STIL: variants seen among roughly 807,000 people sequenced by gnomAD.
STIL encodes SCL-interrupting locus protein.
STIL carries 55 observed loss-of-function variants against 110.1 expected under a neutral mutation model. The ratio of observed to expected loss-of-function variants is 0.50; its 90% CI spans 0.40 to 0.63. STIL has a LOEUF of 0.63. Among genes scored for constraint, STIL ranks in the 20% least tolerant of loss-of-function variants. The probability of loss-of-function intolerance (pLI) is 0.00; values close to 1 mark genes in which losing one functional copy is unlikely to be tolerated. For missense variants in STIL, 1,358 were observed against 1,530.0 expected (o/e 0.89, Z 1.87); for synonymous variants, 481 against 530.0 (o/e 0.91, Z 1.27).
intron 7 of STIL, among the ~76,000 whole-genome samples, chr1:47,294,571 G>T (rs1489399756): frequency 6.6e-6 from 1 of 152,202 alleles, no homozygotes; most frequent in Non-Finnish European, 1.5e-5. Context: ...TGTAGTCCTA[G>T]CTATTCAGGA....
At chr1:47,286,242 C>T (rs1019677016) in intron 10 of STIL, among the ~76,000 whole-genome samples, 5 of 151,790 alleles carry the variant, frequency 3.3e-5, no homozygotes, top group African/African-American at 1.2e-4. Flanking sequence ...CTATAGTCTG[C>T]TCCACATATC....
In STIL at chr1:47,301,568, G is replaced by A. The variant is rs1262224685; in HGVS notation, c.446C>T (p.Ala149Val). Reference protein sequence around the residue: ...IVHSVDDFSSALKALQCHICS... With the variant: ...IVHSVDDFSSVLKALQCHICS... ...GTTGTCAATGAATCGCACCTTTAAA[G>A]CTGAACTGAAGTCATCTACACTGTG... Residue 149 changes from alanine (A) to valine (V), a missense_variant, in exon 5 of 17, where the codon GCT becomes GTT. Ala to Val is a moderately conservative substitution (Grantham distance 64). Coordinates refer to ENST00000371877, the MANE Select transcript of STIL (RefSeq NM_001048166.1). 2.5e-6 allele frequency: 4 copies of A among 1,613,136 alleles called. No homozygotes were observed. Among genetic ancestry groups the A allele is most frequent in the South Asian group, 1.1e-5 (1 of 91,036 alleles).
upstream of STIL, among the ~76,000 whole-genome samples, chr1:47,314,729 A>G (rs1646236472): frequency 6.9e-6 from 1 of 145,842 alleles, no homozygotes; most frequent in Non-Finnish European, 1.5e-5. Flanking sequence ...TAGTGACATA[A>G]TTTTTTTTTT....
At chr1:47,285,383 T>C (rs1173820330) in intron 10 of STIL, among the ~76,000 whole-genome samples, 2 of 152,188 alleles carry the variant, frequency 1.3e-5, no homozygotes, top group African/African-American at 4.8e-5. Context: ...AGAAGCCAAT[T>C]CCTTAAAACA....
At chr1:47,267,668 A>T (rs1181035094) in intron 14 of STIL, among the ~76,000 whole-genome samples, 4 of 3,334 alleles carry the variant, frequency 1.2e-3, no homozygotes, top group Non-Finnish European at 2.9e-3. Context: ...GCGAGTATCT[A>T]AAAAAAAAAA....
At chr1:47,309,884 A>G (rs1254980777) in intron 2 of STIL, among the ~76,000 whole-genome samples, 1 of 152,234 alleles carries the variant, frequency 6.6e-6, no homozygotes, top group East Asian at 1.9e-4. Flanking sequence ...TTGTCTAGAA[A>G]GTAAACAAAC....
intron 1 of STIL, among the ~76,000 whole-genome samples, chr1:47,310,566 T>C (rs1012314708): frequency 2.0e-5 from 3 of 152,180 alleles, no homozygotes; most frequent in Non-Finnish European, 2.9e-5. Flanking sequence ...TTAATATTTA[T>C]TCTAGGCAGC....
intron 2 of STIL, chr1:47,305,217 C>T (rs1645920580): frequency 9.1e-6 from 4 of 437,510 alleles, no homozygotes; most frequent in Non-Finnish European, 1.2e-5. Context: ...CCTCTGCCTC[C>T]TGGGTTCAAG....
At chr1:47,285,755 G>C (rs1350552460) in intron 10 of STIL, among the ~76,000 whole-genome samples, 1 of 150,662 alleles carries the variant, frequency 6.6e-6, no homozygotes, top group Non-Finnish European at 1.5e-5. Flanking sequence ...CACCGGGCCT[G>C]GCCGAGAATA....
At chr1:47,265,249 A>AAAAAAAACAAAC (rs1553170557) in intron 14 of STIL, among the ~76,000 whole-genome samples, 2 of 150,222 alleles carry the variant, frequency 1.3e-5, no homozygotes, top group South Asian at 4.2e-4. Flanking sequence ...AAAAAAAAAA[A>AAAAAAAACAAAC]AAAAAAAAAA....
chr1:47,261,623 C>T (rs1264492790), intron 15 of STIL, among the ~76,000 whole-genome samples: 1 of 151,876 alleles, frequency 6.6e-6, no homozygotes, highest in Non-Finnish European at 1.5e-5. Context: ...ACCTGTGGTC[C>T]CAGCTACTTG....
intron 10 of STIL, among the ~76,000 whole-genome samples, chr1:47,284,878 A>T (rs1645249908): frequency 6.8e-6 from 1 of 147,784 alleles, no homozygotes; most frequent in African/African-American, 2.7e-5. Flanking sequence ...TGACAGAGTG[A>T]GACCCTATCT....
chr1:47,308,181 C>G (rs1646020004), intron 2 of STIL, among the ~76,000 whole-genome samples: 1 of 152,144 alleles, frequency 6.6e-6, no homozygotes, highest in South Asian at 2.1e-4. Flanking sequence ...ACACTCCCTC[C>G]CCTTTTGAAA....
chr1:47,312,575 T>C (rs1398731349), intron 1 of STIL, among the ~76,000 whole-genome samples: 1 of 152,266 alleles, frequency 6.6e-6, no homozygotes, highest in Non-Finnish European at 1.5e-5. Flanking sequence ...TTGGTTGTCA[T>C]GGATAACAGT....
rs530746969 is a variant in STIL, at chr1:47,280,610, C to T, written c.1848G>A (p.Pro616=). 7.6e-5 allele frequency: 123 copies of T among 1,614,064 alleles called. No homozygotes were observed. The highest frequency in any genetic ancestry group is 8.3e-5 in the Admixed American group (5 of 60,004). Residue 616 remains proline (P), a synonymous_variant, in exon 12 of 17, where the codon CCG becomes CCA. Coordinates refer to ENST00000371877, the MANE Select transcript of STIL (RefSeq NM_001048166.1). ...CQHHSHIQYS[P]LNSWQGANTV... ...TGTTTGCTCCTTGCCAAGAATTTAG[C>T]GGACTATATTGAATATGACTATGAT...
intron 13 of STIL, among the ~76,000 whole-genome samples, 172 bp downstream of exon 13, chr1:47,271,904 G>A (rs1644851806): frequency 6.6e-6 from 1 of 152,054 alleles, no homozygotes; most frequent in Admixed American, 6.6e-5. Context: ...CAGTTTGCAG[G>A]TGTAGTTTTA....
At position 47,302,894 on chromosome 1, in the gene STIL, G is replaced by A. The variant is rs1363487666; in HGVS notation, c.153-548C>T. Among the ~76,000 whole-genome samples the A allele has an allele frequency of 3.3e-5, 5 of 152,220 alleles. No homozygotes were observed. In the East Asian group the frequency reaches 9.6e-4, roughly 29 times the overall value. On this transcript the variant is annotated intron_variant, in intron 3 of 16. Transcript: ENST00000371877. ...TAACAGTATACTGTAAAAAAGTTGT[G>A]TGAATATGGTCTGTCTCTCAAAATA...
intron 6 of STIL, among the ~76,000 whole-genome samples, chr1:47,297,133 G>A (rs1228579911): frequency 1.3e-5 from 2 of 152,104 alleles, no homozygotes; most frequent in East Asian, 3.9e-4. Context: ...CATGAGGTCA[G>A]GAGTTCAAGA....
Position 47,263,012 on chromosome 1 carries a change from CCT to C in STIL, c.2718_2719del (p.Gly908CysfsTer3). The C allele has an allele frequency of 6.2e-7, 1 of 1,614,136 alleles. No individual in the cohort carries two copies. The highest frequency in any genetic ancestry group is 8.5e-7 in the Non-Finnish European group (1 of 1,180,024). On this transcript the variant is annotated frameshift_variant, in exon 15 of 17. Transcript: ENST00000371877. LOFTEE classifies it high-confidence loss of function. ...TGTTTCAGAATTGTTACTGGCACCC[CCT>C]GTTGGTCCAGTCTGTAAACACATGC...
Sources: allele counts gnomAD v4.1 joint callset (sites outside exome capture counted in the v4.1 genomes callset), GRCh38; gene constraint gnomAD v4.1.1; transcripts MANE v1.5; gene names NCBI Gene and HGNC (gene_info 2026-07-23, HGNC 2026-07-21).